The following CCDC171 variants were observed in gnomAD, a reference collection of about 807,000 sequenced individuals.
CCDC171 encodes the protein coiled-coil domain containing 171, also known as coiled-coil domain-containing protein 171.
A neutral mutation model predicts 168.2 loss-of-function variants in CCDC171; 177 were observed. That is an observed-to-expected ratio of 1.05 (90% confidence interval 0.93 to 1.19). The LOEUF is 1.19. Ranked by LOEUF, CCDC171 falls within the 50% of genes most tolerant of loss-of-function variation. The pLI, the probability that CCDC171 is intolerant of heterozygous loss-of-function variation, is 0.00. For synonymous variants in CCDC171, 687 were observed against 540.8 expected (o/e 1.27, Z -3.75); for missense variants, 1,991 against 1,539.0 (o/e 1.29, Z -4.91).
chr9:15,728,067 T>A (rs373065815), intron 15 of CCDC171, 31 bp downstream of exon 15: 2 of 1,550,358 alleles, frequency 1.3e-6, no homozygotes, highest in Non-Finnish European at 1.8e-6. Flanking sequence ...GATACCTCTA[T>A]TAAATTCAGT....
At chr9:16,088,562 C>G in the CCDC171 span, among the ~76,000 whole-genome samples, 1 of 152,138 alleles carries the variant, frequency 6.6e-6, no homozygotes, top group Non-Finnish European at 1.5e-5. Flanking sequence ...CACAAGCATT[C>G]TTATACACCA....
chr9:15,850,306 T>C (rs1391749364), intron 23 of CCDC171: 1 of 151,982 alleles, frequency 6.6e-6, no homozygotes, highest in Admixed American at 6.6e-5. Context: ...ATCACCAATA[T>C]GAAATGTAAG....
intron 6 of CCDC171, among the ~76,000 whole-genome samples, chr9:15,601,532 A>C (rs2042852289): frequency 6.6e-6 from 1 of 152,208 alleles, no homozygotes; most frequent in South Asian, 2.1e-4. Flanking sequence ...TCGTTCATTC[A>C]TTCTCTAAGT....
At chr9:15,874,876 A>T (rs1210215658) in intron 24 of CCDC171, 1 of 395,302 alleles carries the variant, frequency 2.5e-6, no homozygotes, top group East Asian at 4.6e-5. Context: ...ATAATCCAGA[A>T]AAGTGTTTTT....
intron 1 of CCDC171, among the ~76,000 whole-genome samples, chr9:16,053,279 A>G (rs1229132919): frequency 6.6e-6 from 1 of 152,240 alleles, no homozygotes; most frequent in African/African-American, 2.4e-5. Context: ...GTCCAGGTCC[A>G]CTGACTCTTG....
At chr9:15,699,926 C>G (rs1281385126) in intron 11 of CCDC171, among the ~76,000 whole-genome samples, 1 of 152,222 alleles carries the variant, frequency 6.6e-6, no homozygotes, top group Non-Finnish European at 1.5e-5. Context: ...ATTCCCTGAG[C>G]TAGACATAAA....
At chr9:15,825,513 A>G (rs1277937237) in intron 21 of CCDC171, among the ~76,000 whole-genome samples, 4 of 152,292 alleles carry the variant, frequency 2.6e-5, no homozygotes, top group Non-Finnish European at 2.9e-5. Flanking sequence ...GAGTTTTAAT[A>G]AATTGGTCCA....
intron 18 of CCDC171, among the ~76,000 whole-genome samples, chr9:15,753,411 G>A (rs1250439515): frequency 1.3e-5 from 2 of 152,128 alleles, no homozygotes; most frequent in Non-Finnish European, 2.9e-5. Flanking sequence ...CTGGCCTATA[G>A]ATAGTGATTA....
chr9:16,057,871 A>G (rs369706867), intron 1 of CCDC171, among the ~76,000 whole-genome samples: 24 of 151,816 alleles, frequency 1.6e-4, no homozygotes, highest in African/African-American at 5.8e-4. Context: ...GGGCTGGGAC[A>G]CCTCCCTCTA....
intron 10 of CCDC171, 152 bp downstream of exon 10, chr9:15,679,048 A>G: frequency 1.8e-6 from 1 of 561,350 alleles, no homozygotes; most frequent in Non-Finnish European, 3.0e-6. Flanking sequence ...GGAAATGCTG[A>G]TTACATCAAA....
chr9:15,710,293 T>TTCTG (rs1449588466), intron 11 of CCDC171, among the ~76,000 whole-genome samples: 1 of 151,512 alleles, frequency 6.6e-6, no homozygotes, highest in Non-Finnish European at 1.5e-5. Context: ...TCCTCTCCTC[T>TTCTG]TCTGTCTCTC....
chr9:15,619,360 A>T (rs2044335354), intron 6 of CCDC171, among the ~76,000 whole-genome samples: 1 of 152,248 alleles, frequency 6.6e-6, no homozygotes, highest in African/African-American at 2.4e-5. Flanking sequence ...GGAAATTAAA[A>T]GTGCTACTTT....
At chr9:15,709,968 C>G (rs1429256925) in intron 11 of CCDC171, among the ~76,000 whole-genome samples, 1 of 152,100 alleles carries the variant, frequency 6.6e-6, no homozygotes, top group East Asian at 1.9e-4. Flanking sequence ...TACTTCCCCT[C>G]TGCTGTATTA....
chr9:15,570,601 C>G (rs748654087), intron 2 of CCDC171, among the ~76,000 whole-genome samples: 2 of 152,112 alleles, frequency 1.3e-5, no homozygotes, highest in Non-Finnish European at 2.9e-5. Flanking sequence ...TTGTGGCATG[C>G]TCTGTAGGGT....
rs148368705 is a variant in CCDC171, at chr9:15,733,204, G to A, written c.2049+3406G>A. ...AAATTTTGAGAGTTATTTACATACC[G>A]GAGGTTCAGGTCATTTTTCAGATAC... is the stretch of plus-strand genomic sequence containing the variant. On this transcript the variant is annotated intron_variant, in intron 16 of 25. Coordinates refer to ENST00000380701, the MANE Select transcript of CCDC171 (RefSeq NM_173550.4). Among the ~76,000 whole-genome samples the A allele has an allele frequency of 7.9e-5, 12 of 152,104 alleles. No individual in the cohort carries two copies. In the East Asian group the frequency reaches 1.7e-3, roughly 22 times the overall value.
intron 3 of CCDC171, among the ~76,000 whole-genome samples, chr9:15,993,895 T>C (rs1395006025): frequency 1.3e-5 from 2 of 152,180 alleles, no homozygotes; most frequent in East Asian, 3.9e-4. Flanking sequence ...AGATACCATC[T>C]TACACCAGTT....
chr9:15,908,920 G>T (rs1331798726), intron 24 of CCDC171, among the ~76,000 whole-genome samples: 3 of 152,266 alleles, frequency 2.0e-5, no homozygotes, highest in African/African-American at 4.8e-5. Flanking sequence ...CAGCACTGGG[G>T]ATTACAATTC....
At chr9:15,873,414 G>A (rs1217402120) in intron 23 of CCDC171, among the ~76,000 whole-genome samples, 5 of 152,044 alleles carry the variant, frequency 3.3e-5, no homozygotes, top group African/African-American at 4.8e-5. Context: ...TATTTGAGCA[G>A]TTAATGCAAT....
intron 9 of CCDC171, among the ~76,000 whole-genome samples, chr9:15,675,524 C>T (rs1487825284): frequency 2.6e-5 from 4 of 152,084 alleles, no homozygotes; most frequent in South Asian, 2.1e-4. Flanking sequence ...TTGTTCCTTT[C>T]CATGTTTAGT....
Sources: gnomAD v4.1 joint callset for allele counts (sites outside exome capture counted in the v4.1 genomes callset) on GRCh38, gnomAD v4.1.1 for gene constraint, MANE v1.5 for transcripts, NCBI Gene and HGNC (gene_info 2026-07-23, HGNC 2026-07-21) for gene names.